The following NTM variants were observed in gnomAD, a reference collection of about 807,000 sequenced individuals.
The protein encoded by NTM is IgLON family member 2.
A neutral mutation model predicts 42.1 loss-of-function variants in NTM; 13 were observed. The observed-to-expected ratio is 0.31, with a 90% CI of 0.20 to 0.49. The LOEUF (loss-of-function observed/expected upper bound fraction) is 0.49. Ranked by LOEUF, NTM falls within the 20% of genes least tolerant of loss-of-function variation. The pLI is 0.99. For missense variants in NTM, 373 were observed against 452.8 expected, an observed-to-expected ratio of 0.82 and a Z score of 1.60; for synonymous variants, 187 against 179.2, an observed-to-expected ratio of 1.04 and a Z score of -0.35.
chr11:132,307,615 C>G (rs2095135617), intron 4 of NTM, 74 bp from the exon 5 acceptor site: 1 of 1,590,324 alleles, frequency 6.3e-7, no homozygotes, highest in East Asian at 2.2e-5. Flanking sequence ...CCATTTTATA[C>G]TTTGTTTTCT....
intron 2 of NTM, among the ~76,000 whole-genome samples, chr11:131,941,801 T>G (rs537009781): frequency 6.6e-6 from 1 of 152,336 alleles, no homozygotes; most frequent in Non-Finnish European, 1.5e-5. Context: ...AATAATGGGC[T>G]TGGCTCTCAA....
intron 1 of NTM, among the ~76,000 whole-genome samples, chr11:131,585,634 G>A (rs936411058): frequency 6.6e-6 from 1 of 152,160 alleles, no homozygotes; most frequent in Non-Finnish European, 1.5e-5. Context: ...AGTAGAGTTT[G>A]AAAGGCCATG....
At chr11:131,404,186 G>T (rs556181912) in intron 1 of NTM, among the ~76,000 whole-genome samples, 3 of 151,826 alleles carry the variant, frequency 2.0e-5, no homozygotes, top group Non-Finnish European at 4.4e-5. Flanking sequence ...TTCAGCACTC[G>T]CACTTCCGCT....
At chr11:132,153,851 CAGGGATT>C (rs2072544525) in intron 3 of NTM, among the ~76,000 whole-genome samples, 1 of 152,240 alleles carries the variant, frequency 6.6e-6, no homozygotes, top group African/African-American at 2.4e-5. Context: ...TATAAGGTAA[CAGGGATT>C]AGGATGTTTG....
At chr11:131,740,952 G>A (rs1406878786) in intron 1 of NTM, among the ~76,000 whole-genome samples, 4 of 152,186 alleles carry the variant, frequency 2.6e-5, no homozygotes, top group Admixed American at 6.5e-5. Context: ...CAGATCACAG[G>A]TCAGGAGTTT....
rs55688194 is a variant in NTM at position 131,791,672 on chromosome 11, T to C, written c.83-119892T>C. Among the ~76,000 whole-genome samples the C allele has an allele frequency of 1.7e-3, 266 of 152,346 alleles. 3 individuals are homozygous for C. The highest frequency in any genetic ancestry group is 6.1e-3 in the African/African-American group (252 of 41,586). On this transcript the variant is annotated intron_variant, in intron 1 of 8. Coordinates refer to ENST00000683400, the MANE Select transcript of NTM (RefSeq NM_001352005.2). ...CTTACTTGCCATTCTACACACATCATGTAACACAGAATATCTGCTGTGTTT... is the reference window on the plus strand; with the variant it reads ...CTTACTTGCCATTCTACACACATCACGTAACACAGAATATCTGCTGTGTTT...
At chr11:131,809,502 G>C (rs775284033) in intron 1 of NTM, among the ~76,000 whole-genome samples, 4 of 152,308 alleles carry the variant, frequency 2.6e-5, no homozygotes, top group African/African-American at 9.6e-5. Flanking sequence ...GGGTACCAGG[G>C]AGCATGGGAG....
chr11:131,616,592 C>T (rs564550012), intron 1 of NTM, among the ~76,000 whole-genome samples: 6 of 152,160 alleles, frequency 3.9e-5, no homozygotes, highest in East Asian at 3.9e-4. Flanking sequence ...GAGGCTGCGG[C>T]GGCACCAGGG....
intron 1 of NTM, among the ~76,000 whole-genome samples, chr11:131,668,279 T>C (rs971287230): frequency 2.0e-5 from 3 of 151,790 alleles, no homozygotes; most frequent in Non-Finnish European, 4.4e-5. Flanking sequence ...TATCTATCTA[T>C]CTATCTATCT....
intron 1 of NTM, chr11:131,878,007 A>G (rs1440832100): frequency 6.6e-6 from 1 of 152,152 alleles, no homozygotes; most frequent in African/African-American, 2.4e-5. Flanking sequence ...TTGTAGATGA[A>G]TTCCTTTGGT....
chr11:132,272,642 AAG>A (rs2093536982), intron 4 of NTM, among the ~76,000 whole-genome samples: 1 of 152,150 alleles, frequency 6.6e-6, no homozygotes, highest in Non-Finnish European at 1.5e-5. Flanking sequence ...CTACGGTAAA[AAG>A]AGTTGCTTTT....
intron 1 of NTM, among the ~76,000 whole-genome samples, chr11:131,625,966 T>C (rs559583978): frequency 6.6e-5 from 10 of 152,326 alleles, no homozygotes; most frequent in Non-Finnish European, 1.3e-4. Context: ...TACTGTACTT[T>C]CGAAGGGCAT....
chr11:131,849,565 A>C (rs2045287548), intron 1 of NTM, among the ~76,000 whole-genome samples: 1 of 152,060 alleles, frequency 6.6e-6, no homozygotes, highest in Non-Finnish European at 1.5e-5. Flanking sequence ...ACACACACCC[A>C]ACCAGGCCCC....
intron 1 of NTM, among the ~76,000 whole-genome samples, chr11:131,493,983 A>T (rs1469743128): frequency 6.6e-6 from 1 of 152,090 alleles, no homozygotes; most frequent in Non-Finnish European, 1.5e-5. Context: ...TTATTCTTAT[A>T]CTGCTAAATA....
chr11:132,159,493 T>G (rs1400328390), intron 3 of NTM, among the ~76,000 whole-genome samples: 1 of 152,212 alleles, frequency 6.6e-6, no homozygotes, highest in African/African-American at 2.4e-5. Context: ...CCTGAAATCA[T>G]GTCACCAACA....
At chr11:131,413,786 G>A (rs528153587) in intron 1 of NTM, among the ~76,000 whole-genome samples, 16 of 152,250 alleles carry the variant, frequency 1.1e-4, no homozygotes, top group South Asian at 6.2e-4. Flanking sequence ...GTCCAAACCC[G>A]TGGGGACAAG....
At chr11:131,652,203 A>G (rs948917663) in intron 1 of NTM, among the ~76,000 whole-genome samples, 5 of 152,346 alleles carry the variant, frequency 3.3e-5, no homozygotes, top group Admixed American at 3.3e-4. Flanking sequence ...GTGAGGATCA[A>G]AGAGCCTAAG....
intron 1 of NTM, chr11:131,796,163 C>G (rs1375342396): frequency 1.4e-5 from 14 of 985,172 alleles, no homozygotes; most frequent in East Asian, 1.1e-4. Context: ...AATATCGAAG[C>G]CCTCCTGCAG....
intron 1 of NTM, among the ~76,000 whole-genome samples, chr11:131,685,839 G>A (rs1390170211): frequency 6.6e-6 from 1 of 152,100 alleles, no homozygotes; most frequent in Non-Finnish European, 1.5e-5. Context: ...CTAGAATATC[G>A]GCATAAAGAA....
Sources: allele counts gnomAD v4.1 joint callset (sites outside exome capture counted in the v4.1 genomes callset), GRCh38; gene constraint gnomAD v4.1.1; transcripts MANE v1.5; gene names NCBI Gene and HGNC (gene_info 2026-07-23, HGNC 2026-07-21).